The following GLIS3 variants were observed in gnomAD, a reference collection of about 807,000 sequenced individuals.
GLIS3 encodes zinc finger protein GLIS3.
GLIS3 carries 53 observed loss-of-function variants against 78.6 expected under a neutral mutation model. The observed-to-expected ratio is 0.67, with a 90% CI of 0.54 to 0.85. The LOEUF (loss-of-function observed/expected upper bound fraction) is 0.85. Among genes scored for constraint, GLIS3 ranks in the 40% least tolerant of loss-of-function variants. The pLI is 0.00. For synonymous variants in GLIS3, 684 were observed against 509.9 expected (o/e 1.34, Z -4.60); for missense variants, 1,703 against 1,231.1 (o/e 1.38, Z -5.74).
chr9:4,325,760 A>T (rs190193061), intron 2 of GLIS3, among the ~76,000 whole-genome samples: 219 of 152,294 alleles, frequency 1.4e-3, no homozygotes, highest in Non-Finnish European at 2.8e-3. Flanking sequence ...CATGATGTGA[A>T]GCTTGAGAAA....
At chr9:4,246,432 G>C (rs149791513) in intron 2 of GLIS3, among the ~76,000 whole-genome samples, 1 of 152,210 alleles carries the variant, frequency 6.6e-6, no homozygotes, top group African/African-American at 2.4e-5. Context: ...TCTTGTTTAA[G>C]GTAAGATATT....
intron 2 of GLIS3, among the ~76,000 whole-genome samples, chr9:4,236,417 A>G (rs1030913963): frequency 6.6e-6 from 1 of 152,166 alleles, no homozygotes; most frequent in Non-Finnish European, 1.5e-5. Flanking sequence ...CCACTTTTTA[A>G]AAGTATTTCC....
intron 4 of GLIS3, among the ~76,000 whole-genome samples, chr9:4,050,099 T>C (rs960317655): frequency 1.4e-4 from 21 of 152,160 alleles, no homozygotes; most frequent in African/African-American, 5.1e-4. Context: ...CATTACTGGG[T>C]ATATAACCAA....
chr9:4,273,603 A>G (rs1238332012), intron 2 of GLIS3, among the ~76,000 whole-genome samples: 15 of 85,284 alleles, frequency 1.8e-4, no homozygotes, highest in African/African-American at 5.8e-4. Flanking sequence ...AAATAAATAA[A>G]TAAATAAATA....
chr9:4,366,833 T>C, the GLIS3 span, among the ~76,000 whole-genome samples: 4 of 152,136 alleles, frequency 2.6e-5, no homozygotes. Flanking sequence ...GGCCAAACAG[T>C]TGAGCCAACT....
At chr9:3,974,871 A>G (rs1191058158) in intron 4 of GLIS3, among the ~76,000 whole-genome samples, 1 of 152,114 alleles carries the variant, frequency 6.6e-6, no homozygotes, top group Non-Finnish European at 1.5e-5. Flanking sequence ...ATCAGCTAAG[A>G]AAAGGTGAAT....
At chr9:4,391,131 A>AGTC in the GLIS3 span, among the ~76,000 whole-genome samples, 1 of 152,064 alleles carries the variant, frequency 6.6e-6, no homozygotes, top group Non-Finnish European at 1.5e-5. Flanking sequence ...CCACCTCTTC[A>AGTC]GTCTGTAATA....
intron 2 of GLIS3, among the ~76,000 whole-genome samples, chr9:4,138,965 C>T (rs1191103311): frequency 6.6e-6 from 1 of 152,132 alleles, no homozygotes; most frequent in Non-Finnish European, 1.5e-5. Flanking sequence ...AGTCTATTTC[C>T]AGTACATTTA....
intron 4 of GLIS3, among the ~76,000 whole-genome samples, chr9:4,024,164 T>C (rs1385743031): frequency 1.7e-4 from 26 of 152,304 alleles, no homozygotes; most frequent in Non-Finnish European, 1.9e-4. Flanking sequence ...GGCAATTCTC[T>C]AATAGCCAGT....
At chr9:4,407,425 C>A in the GLIS3 span, among the ~76,000 whole-genome samples, 1 of 152,206 alleles carries the variant, frequency 6.6e-6, no homozygotes, top group Non-Finnish European at 1.5e-5. Flanking sequence ...GCAGGTGGAT[C>A]ACGAGGTCAG....
At chr9:4,078,799 T>C (rs1828294733) in intron 4 of GLIS3, among the ~76,000 whole-genome samples, 1 of 152,196 alleles carries the variant, frequency 6.6e-6, no homozygotes, top group African/African-American at 2.4e-5. Flanking sequence ...GTCCTTTCTT[T>C]CAGTGAAACT....
chr9:4,360,483 TA>T, the GLIS3 span, among the ~76,000 whole-genome samples: 2 of 152,210 alleles, frequency 1.3e-5, no homozygotes, highest in African/African-American at 4.8e-5. Context: ...GTCGTTTCAA[TA>T]ACTGCTAACA....
chr9:4,256,787 G>A (rs375358128), intron 2 of GLIS3, among the ~76,000 whole-genome samples: 22 of 116,014 alleles, frequency 1.9e-4, no homozygotes, highest in South Asian at 7.5e-4. Flanking sequence ...AAAAGAGTAC[G>A]GAAGCTCATC....
At chr9:4,033,864 T>TTAAA (rs1177753674) in intron 4 of GLIS3, among the ~76,000 whole-genome samples, 4 of 67,980 alleles carry the variant, frequency 5.9e-5, no homozygotes, top group East Asian at 5.7e-4. Context: ...AGGCGAAGGA[T>TTAAA]AAAAAAAAAA....
rs976742847 is a variant in GLIS3, at chr9:3,977,232, C to T, written c.1711-40043G>A. ...TGACAAAAGACCTTGCTAGGCCACC[C>T]CTCCTCCACCCAGATATTAGATCCA... is the stretch of plus-strand genomic sequence containing the variant. On this transcript the variant is annotated intron_variant, in intron 4 of 10. Coordinates refer to ENST00000381971, the MANE Select transcript of GLIS3 (RefSeq NM_001042413.2). The surrounding 1 kb of genome is among the most constrained non-coding windows in gnomAD (Gnocchi z 4.1). Among the ~76,000 whole-genome samples, 2 of 152,126 alleles carry T rather than the reference C, an allele frequency of 1.3e-5. No individual in the cohort carries two copies. Among genetic ancestry groups the T allele is most frequent in the African/African-American group, 2.4e-5 (1 of 41,432 alleles).
chr9:4,456,849 T>C, the GLIS3 span, among the ~76,000 whole-genome samples: 3 of 152,200 alleles, frequency 2.0e-5, no homozygotes, highest in Non-Finnish European at 4.4e-5. Flanking sequence ...TTTGCTGTTG[T>C]ATATGGGCAT....
intron 2 of GLIS3, among the ~76,000 whole-genome samples, chr9:4,126,507 G>A (rs1215384391): frequency 1.3e-5 from 2 of 152,154 alleles, no homozygotes; most frequent in African/African-American, 4.8e-5. Context: ...GGATGAGAGA[G>A]TTGTAAACAA....
intron 2 of GLIS3, among the ~76,000 whole-genome samples, chr9:4,208,816 GTGA>G (rs964551531): frequency 2.0e-5 from 3 of 152,174 alleles, no homozygotes; most frequent in Non-Finnish European, 2.9e-5. Context: ...CTGGCTCTTG[GTGA>G]CACCAGTGAC....
At chr9:3,933,770 G>C (rs1341214106) in intron 5 of GLIS3, among the ~76,000 whole-genome samples, 1 of 152,174 alleles carries the variant, frequency 6.6e-6, no homozygotes, top group Non-Finnish European at 1.5e-5. Flanking sequence ...TTATGTGCAT[G>C]TATGTCATTC....
Sources: gnomAD v4.1 joint callset for allele counts (sites outside exome capture counted in the v4.1 genomes callset) on GRCh38, gnomAD v4.1.1 for gene constraint, Gnocchi (gnomAD v3.1) non-coding constraint, MANE v1.5 for transcripts, NCBI Gene and HGNC (gene_info 2026-07-23, HGNC 2026-07-21) for gene names.